PDE4B: variants seen among roughly 807,000 people sequenced by gnomAD.
PDE4B encodes phosphodiesterase 4B, also known as 3',5'-cyclic-AMP phosphodiesterase 4B.
In PDE4B, 20 loss-of-function variants were observed where a neutral mutation model predicts 82.2. The ratio of observed to expected loss-of-function variants is 0.24; its 90% CI spans 0.17 to 0.35. PDE4B has a LOEUF of 0.35. Ranked by LOEUF, PDE4B falls within the 10% of genes least tolerant of loss-of-function variation. The probability of loss-of-function intolerance (pLI) is 1.00; values close to 1 mark genes in which losing one functional copy is unlikely to be tolerated. For synonymous variants in PDE4B, 320 were observed against 318.9 expected (o/e 1.00, Z -0.04); for missense variants, 655 against 907.2 (o/e 0.72, Z 3.57).
intron 3 of PDE4B, among the ~76,000 whole-genome samples, chr1:66,116,879 T>A (rs192047546): frequency 1.6e-4 from 24 of 152,148 alleles, no homozygotes; most frequent in African/African-American, 5.8e-4. Context: ...TAAAGACTTC[T>A]AGACAAGGGT....
At chr1:66,319,530 C>T (rs1166860933) in intron 7 of PDE4B, among the ~76,000 whole-genome samples, 4 of 152,146 alleles carry the variant, frequency 2.6e-5, no homozygotes, top group Non-Finnish European at 1.5e-5. Flanking sequence ...ATTCTGCTAC[C>T]AGAGCAATAG....
At chr1:66,078,924 A>G (rs1656575304) in intron 3 of PDE4B, among the ~76,000 whole-genome samples, 1 of 152,084 alleles carries the variant, frequency 6.6e-6, no homozygotes, top group African/African-American at 2.4e-5. Flanking sequence ...CATAAAGGAG[A>G]GAAAGAGACC....
At chr1:66,365,353 C>T (rs928147797) in intron 12 of PDE4B, among the ~76,000 whole-genome samples, 3 of 152,140 alleles carry the variant, frequency 2.0e-5, no homozygotes, top group African/African-American at 7.2e-5. Context: ...TACATAAGCA[C>T]CATGCTGCCA....
chr1:66,340,373 CA>C (rs754019497), intron 8 of PDE4B, among the ~76,000 whole-genome samples: 5 of 152,158 alleles, frequency 3.3e-5, no homozygotes, highest in Admixed American at 1.3e-4. Context: ...TGGGAAGTGC[CA>C]GATAATTTTT....
intron 3 of PDE4B, among the ~76,000 whole-genome samples, chr1:66,111,797 G>A (rs950251760): frequency 2.0e-5 from 3 of 151,990 alleles, no homozygotes; most frequent in African/African-American, 7.2e-5. Flanking sequence ...TTGATTAGGA[G>A]TCATACTTCT....
intron 3 of PDE4B, among the ~76,000 whole-genome samples, chr1:66,232,777 T>C (rs917579746): frequency 6.6e-6 from 1 of 152,180 alleles, no homozygotes; most frequent in African/African-American, 2.4e-5. Context: ...CGTAGGCCAC[T>C]GATGATCTTG....
chr1:66,052,443 C>A (rs965075666), intron 3 of PDE4B, among the ~76,000 whole-genome samples: 1 of 152,060 alleles, frequency 6.6e-6, no homozygotes, highest in Admixed American at 6.6e-5. Context: ...CCCACTTGTA[C>A]AGATAACAAA....
intron 3 of PDE4B, among the ~76,000 whole-genome samples, chr1:66,227,455 A>T (rs1227538072): frequency 1.3e-5 from 2 of 152,224 alleles, no homozygotes. Context: ...TTAAATAATG[A>T]TATATGCAAA....
chr1:66,194,304 A>G (rs899376436), intron 3 of PDE4B, among the ~76,000 whole-genome samples: 1 of 152,116 alleles, frequency 6.6e-6, no homozygotes, highest in Non-Finnish European at 1.5e-5. Context: ...ACTATCTAAT[A>G]GCATACTTAG....
chr1:66,337,801 C>T (rs774212726), intron 8 of PDE4B, among the ~76,000 whole-genome samples: 36 of 152,142 alleles, frequency 2.4e-4, no homozygotes, highest in Non-Finnish European at 4.1e-4. Context: ...CAGGTGGGCA[C>T]TCACACATTT....
At chr1:65,961,569 T>C (rs1649543631) in intron 3 of PDE4B, among the ~76,000 whole-genome samples, 1 of 152,170 alleles carries the variant, frequency 6.6e-6, no homozygotes, top group South Asian at 2.1e-4. Context: ...CCCAAATAAA[T>C]ATAATTATCC....
chr1:66,063,598 A>T (rs1557534559), intron 3 of PDE4B, among the ~76,000 whole-genome samples: 1 of 152,024 alleles, frequency 6.6e-6, no homozygotes, highest in Non-Finnish European at 1.5e-5. Context: ...CAGAACCATC[A>T]TCTCAAACAT....
At chr1:66,318,517 C>G (rs150326662) in intron 7 of PDE4B, among the ~76,000 whole-genome samples, 7 of 152,220 alleles carry the variant, frequency 4.6e-5, no homozygotes, top group African/African-American at 1.7e-4. Context: ...AGCAAAAAAT[C>G]ATTATTTTTA....
intron 3 of PDE4B, among the ~76,000 whole-genome samples, chr1:65,943,833 A>G (rs1328860046): frequency 1.3e-5 from 2 of 151,908 alleles, no homozygotes; most frequent in African/African-American, 2.4e-5. Flanking sequence ...TTATATGTTG[A>G]TTTTATATAC....
chr1:66,299,096 C>T (rs1657710855), intron 7 of PDE4B, among the ~76,000 whole-genome samples: 1 of 152,126 alleles, frequency 6.6e-6, no homozygotes, highest in Non-Finnish European at 1.5e-5. Context: ...AAAATCCTCT[C>T]TTCTAGCTTT....
intron 3 of PDE4B, among the ~76,000 whole-genome samples, chr1:66,224,193 C>T (rs1651236635): frequency 1.3e-5 from 2 of 152,092 alleles, no homozygotes; most frequent in South Asian, 4.2e-4. Flanking sequence ...TTACGACTTC[C>T]AGCTCATAGA....
chr1:66,358,929 G>C (rs1470425551), intron 9 of PDE4B, among the ~76,000 whole-genome samples: 1 of 152,150 alleles, frequency 6.6e-6, no homozygotes, highest in South Asian at 2.1e-4. Flanking sequence ...GGAGGACAGG[G>C]AGAAAGGCAG....
At chr1:65,880,849 G>C (rs1354953730) in intron 1 of PDE4B, among the ~76,000 whole-genome samples, 2 of 152,286 alleles carry the variant, frequency 1.3e-5, no homozygotes, top group East Asian at 3.9e-4. Context: ...AGTAATAGAA[G>C]AAGCCAGGGA....
chr1:66,071,852 T>G (rs12041326), intron 3 of PDE4B, among the ~76,000 whole-genome samples: 12,213 of 152,160 alleles, frequency 0.08, 906 homozygotes, highest in East Asian at 0.25. Flanking sequence ...GCCCTTTTGT[T>G]TTCTTAAGGT....
Sources: allele counts gnomAD v4.1 joint callset (sites outside exome capture counted in the v4.1 genomes callset), GRCh38; gene constraint gnomAD v4.1.1; transcripts MANE v1.5; gene names NCBI Gene and HGNC (gene_info 2026-07-23, HGNC 2026-07-21).